Variants in TAS2R1 observed in about 807,000 individuals in gnomAD.
TAS2R1 encodes the protein taste receptor type 2 member 1.
For missense variants in TAS2R1, 370 were observed against 353.4 expected (o/e 1.05, Z -0.38); for synonymous variants, 141 against 134.2 (o/e 1.05, Z -0.35).
chr5:9,732,983 A>G, the TAS2R1 span, among the ~76,000 whole-genome samples: 3 of 152,210 alleles, frequency 2.0e-5, no homozygotes, highest in Non-Finnish European at 4.4e-5. Context: ...GCCCACACAT[A>G]TTATTCATGA....
chr5:9,678,672 A>T (rs1329684403), intron 1 of TAS2R1, among the ~76,000 whole-genome samples: 1 of 152,182 alleles, frequency 6.6e-6, no homozygotes, highest in East Asian at 1.9e-4. Context: ...TCAGCAAACT[A>T]ACACAGGAAC....
chr5:9,765,376 G>A, the TAS2R1 span: 1 of 151,664 alleles, frequency 6.6e-6, no homozygotes, highest in African/African-American at 2.4e-5. Flanking sequence ...GGGATTCAGT[G>A]AAATAATTTA....
At chr5:9,662,547 T>C (rs1448044221) in intron 1 of TAS2R1, among the ~76,000 whole-genome samples, 1 of 151,848 alleles carries the variant, frequency 6.6e-6, no homozygotes, top group East Asian at 1.9e-4. Flanking sequence ...TCCAGCGGAG[T>C]TGGAGGTGAT....
chr5:9,893,093 G>T, the TAS2R1 span, among the ~76,000 whole-genome samples: 2 of 152,100 alleles, frequency 1.3e-5, no homozygotes, highest in Non-Finnish European at 2.9e-5. Context: ...TATTTTTAAG[G>T]TTCCCCCAAT....
At chr5:9,750,876 C>T in the TAS2R1 span, among the ~76,000 whole-genome samples, 5 of 152,026 alleles carry the variant, frequency 3.3e-5, no homozygotes, top group African/African-American at 1.2e-4. Flanking sequence ...TGTATCCTCA[C>T]ATACAAATGC....
chr5:9,877,709 G>A, the TAS2R1 span, among the ~76,000 whole-genome samples: 1 of 152,220 alleles, frequency 6.6e-6, no homozygotes, highest in Non-Finnish European at 1.5e-5. Context: ...TCTCAACAGA[G>A]CCGAGAGAAA....
At chr5:9,833,434 C>A in the TAS2R1 span, among the ~76,000 whole-genome samples, 6 of 152,188 alleles carry the variant, frequency 3.9e-5, no homozygotes, top group African/African-American at 1.4e-4. Context: ...CTAAAAGTAT[C>A]CTTTATTATG....
chr5:9,690,991 C>T (rs62341160), intron 1 of TAS2R1, among the ~76,000 whole-genome samples: 18,323 of 152,116 alleles, frequency 0.12, 1,263 homozygotes, highest in Non-Finnish European at 0.15. Flanking sequence ...GTGCGTAGCC[C>T]GGGGAGATAA....
At chr5:9,827,550 C>T in the TAS2R1 span, among the ~76,000 whole-genome samples, 8 of 151,798 alleles carry the variant, frequency 5.3e-5, no homozygotes, top group Non-Finnish European at 1.0e-4. Flanking sequence ...ACCTGGGCAA[C>T]ATAGTGAGAT....
intron 2 of TAS2R1, among the ~76,000 whole-genome samples, chr5:9,644,164 T>C (rs1370012449): frequency 6.6e-6 from 1 of 152,176 alleles, no homozygotes; most frequent in Non-Finnish European, 1.5e-5. Flanking sequence ...TTTGTTATAA[T>C]CACATTTATA....
the TAS2R1 span, among the ~76,000 whole-genome samples, chr5:9,734,775 C>A: frequency 6.6e-6 from 1 of 151,632 alleles, no homozygotes; most frequent in Non-Finnish European, 1.5e-5. Flanking sequence ...ACAGGCCACA[C>A]CCCCCACCAC....
At chr5:9,821,397 A>G in the TAS2R1 span, among the ~76,000 whole-genome samples, 1 of 152,232 alleles carries the variant, frequency 6.6e-6, no homozygotes, top group South Asian at 2.1e-4. Flanking sequence ...CACAACCTCA[A>G]ATCTGGAAAG....
At chr5:9,840,857 A>ATTTTT in the TAS2R1 span, among the ~76,000 whole-genome samples, 3 of 132,104 alleles carry the variant, frequency 2.3e-5, no homozygotes, top group African/African-American at 8.4e-5. Context: ...TTATTTATTT[A>ATTTTT]TTTTTTTTTT....
At chr5:9,769,389 A>G in the TAS2R1 span, among the ~76,000 whole-genome samples, 3 of 152,170 alleles carry the variant, frequency 2.0e-5, no homozygotes, top group Non-Finnish European at 4.4e-5. Flanking sequence ...GGAAGTGCAG[A>G]TATCTCTTTT....
chr5:9,707,400 C>G (rs1415067080), intron 1 of TAS2R1, among the ~76,000 whole-genome samples: 1 of 152,196 alleles, frequency 6.6e-6, no homozygotes, highest in African/African-American at 2.4e-5. Context: ...ATTTCCATCC[C>G]CAAGTCATCT....
chr5:9,719,937 AACAAAAAC>A, the TAS2R1 span, among the ~76,000 whole-genome samples: 1 of 130,110 alleles, frequency 7.7e-6, no homozygotes, highest in African/African-American at 3.0e-5. Flanking sequence ...AAAAAAAAAA[AACAAAAAC>A]AAAAACAAAC....
At chr5:9,875,469 A>T in the TAS2R1 span, among the ~76,000 whole-genome samples, 1 of 152,206 alleles carries the variant, frequency 6.6e-6, no homozygotes, top group Non-Finnish European at 1.5e-5. Context: ...CCTGTGCCAT[A>T]TGAAAGGAAC....
chr5:9,632,698 C>T (rs1245959901), upstream of TAS2R1, among the ~76,000 whole-genome samples: 2 of 152,158 alleles, frequency 1.3e-5, no homozygotes, highest in Non-Finnish European at 2.9e-5. Context: ...GAAGCACTTC[C>T]TCATTTCTTA....
the TAS2R1 span, among the ~76,000 whole-genome samples, chr5:9,745,141 G>A: frequency 3.3e-5 from 5 of 152,134 alleles, 1 homozygote; most frequent in South Asian, 1.0e-3. Context: ...GGGATGCAGT[G>A]GCCTGGCCTC....
Sources: allele counts gnomAD v4.1 joint callset (sites outside exome capture counted in the v4.1 genomes callset), GRCh38; gene constraint gnomAD v4.1.1; transcripts MANE v1.5; gene names NCBI Gene and HGNC (gene_info 2026-07-23, HGNC 2026-07-21).